The following XRCC6 variants were observed in gnomAD, a reference collection of about 807,000 sequenced individuals.
XRCC6 encodes the protein X-ray repair cross complementing 6, also known as DNA repair protein Ku70.
A neutral mutation model predicts 65.7 loss-of-function variants in XRCC6; 5 were observed. That is an observed-to-expected ratio of 0.08 (90% confidence interval 0.04 to 0.16). The LOEUF (loss-of-function observed/expected upper bound fraction) is 0.16. Among genes scored for constraint, XRCC6 ranks in the 10% least tolerant of loss-of-function variants. The pLI is 1.00. For missense variants in XRCC6, 447 were observed against 738.1 expected (o/e 0.61, Z 4.57); for synonymous variants, 270 against 270.6 (o/e 1.00, Z 0.02).
At chr22:41,656,677 C>G (rs2068047875) in intron 9 of XRCC6, among the ~76,000 whole-genome samples, 1 of 152,194 alleles carries the variant, frequency 6.6e-6, no homozygotes, top group Non-Finnish European at 1.5e-5. Flanking sequence ...AAGGGATCTA[C>G]TGTATACAGG....
intron 3 of XRCC6, 111 bp from the exon 4 acceptor site, chr22:41,636,002 T>C: frequency 1.1e-6 from 1 of 924,184 alleles, no homozygotes; most frequent in Middle Eastern, 3.7e-4. Flanking sequence ...TGCCTTATTT[T>C]AGTGCCATAT....
chr22:41,636,310 C>G (rs2067809393), intron 4 of XRCC6, 59 bp downstream of exon 4: 8 of 1,532,050 alleles, frequency 5.2e-6, no homozygotes, highest in Admixed American at 4.3e-5. Context: ...GTACTCTGAT[C>G]AAAGAGGACT....
At chr22:41,637,511 G>C in intron 5 of XRCC6, 97 bp from the exon 6 acceptor site, 1 of 1,131,654 alleles carries the variant, frequency 8.8e-7, no homozygotes. Flanking sequence ...TAGTTTTCAG[G>C]GAGCTTTTAA....
In XRCC6 at chr22:41,649,139, A is replaced by AATAT. The variant is rs1555906700; in HGVS notation, c.961-1563_961-1560dup. On this transcript the variant is annotated intron_variant, in intron 7 of 12. Transcript: ENST00000360079. ...GGGAAGAGAGTACAAAAAAAAAAAA[A>AATAT]ATATATATATATATATATATATATG... Among the ~76,000 whole-genome samples, 180 of 88,702 alleles carry AATAT rather than the reference A, an allele frequency of 2.0e-3. 1 individual carries two copies. Among genetic ancestry groups the AATAT allele is most frequent in the Admixed American group, 3.5e-3 (20 of 5,782 alleles). The allele number at this position is 88,702 out of a possible 152,430, so 58.2% of individuals were successfully genotyped here. A position where few individuals can be genotyped will look rare whatever the true frequency, so the allele number is the denominator to read the frequency against.
chr22:41,621,827 C>T (rs1220430426), intron 1 of XRCC6, 163 bp from the exon 2 acceptor site: 13 of 622,596 alleles, frequency 2.1e-5, no homozygotes, highest in East Asian at 8.6e-5. Flanking sequence ...CCCCCATGCG[C>T]ATTTACATGC....
At chr22:41,630,002 T>TTTTTTTTG (rs2067722161) in intron 3 of XRCC6, among the ~76,000 whole-genome samples, 1 of 134,578 alleles carries the variant, frequency 7.4e-6, no homozygotes, top group Non-Finnish European at 1.5e-5. Flanking sequence ...TTTTTTTTTT[T>TTTTTTTTG]GAGTTGGAGT....
At chr22:41,652,677 T>C (rs2068012027) in intron 8 of XRCC6, among the ~76,000 whole-genome samples, 1 of 117,442 alleles carries the variant, frequency 8.5e-6, no homozygotes, top group Non-Finnish European at 1.8e-5. Flanking sequence ...ATAATTCACT[T>C]TCTGTTTGTT....
At chr22:41,632,248 A>C (rs1388012865) in intron 3 of XRCC6, among the ~76,000 whole-genome samples, 1 of 152,174 alleles carries the variant, frequency 6.6e-6, no homozygotes, top group Non-Finnish European at 1.5e-5. Flanking sequence ...TTTATTATAT[A>C]TCTCATGTCT....
chr22:41,646,075 G>A (rs1036093073), intron 6 of XRCC6, among the ~76,000 whole-genome samples: 1 of 151,978 alleles, frequency 6.6e-6, no homozygotes, highest in African/African-American at 2.4e-5. Flanking sequence ...AGGCCAGTGC[G>A]GGTGAATCAC....
chr22:41,626,408 T>G (rs1316791164), intron 2 of XRCC6, among the ~76,000 whole-genome samples: 4 of 152,234 alleles, frequency 2.6e-5, no homozygotes, highest in African/African-American at 9.6e-5. Context: ...CCCAAAGTGC[T>G]GGGATTACAG....
intron 12 of XRCC6, 30 bp downstream of exon 12, chr22:41,661,474 ATTTTTAAAAATTGC>A: frequency 6.3e-7 from 1 of 1,589,814 alleles, no homozygotes; most frequent in East Asian, 2.2e-5. Context: ...CATGTGGGCT[ATTTTTAAAAATTGC>A]TTTTATGATA....
chr22:41,649,087 T>TAGCC (rs1316163811), intron 7 of XRCC6, among the ~76,000 whole-genome samples: 1 of 140,220 alleles, frequency 7.1e-6, no homozygotes, highest in Non-Finnish European at 1.5e-5. Context: ...AACTAAAAAT[T>TAGCC]AGCCAGGCGT....
intron 3 of XRCC6, 131 bp from the exon 4 acceptor site, chr22:41,635,982 G>A (rs2067805252): frequency 7.0e-6 from 5 of 711,198 alleles, no homozygotes; most frequent in Non-Finnish European, 8.7e-6. Context: ...ACCCCTGAAG[G>A]TAGGGATCTT....
At chr22:41,650,610 C>T (rs2067985085) in intron 7 of XRCC6, 113 bp from the exon 8 acceptor site, 2 of 1,161,096 alleles carry the variant, frequency 1.7e-6, no homozygotes, top group Non-Finnish European at 2.4e-6. Flanking sequence ...GGTGAGCCAT[C>T]TTCCTGCTCC....
At chr22:41,651,428 G>T (rs1412570284) in intron 8 of XRCC6, among the ~76,000 whole-genome samples, 37 of 106,014 alleles carry the variant, frequency 3.5e-4, no homozygotes, top group South Asian at 1.1e-3. Flanking sequence ...TTTTACTCTT[G>T]TCACCCAGGC....
rs139184524 is a variant in XRCC6 at position 41,622,620 on chromosome 22, G to A, written c.82+534G>A. Among the ~76,000 whole-genome samples, 3 of 152,206 alleles carry A rather than the reference G, an allele frequency of 2.0e-5. No homozygotes were observed. In the East Asian group the frequency reaches 5.8e-4, roughly 29 times the overall value. On this transcript the variant is annotated intron_variant, in intron 2 of 12. Coordinates refer to ENST00000360079, the MANE Select transcript of XRCC6 (RefSeq NM_001469.5). The stretch of plus-strand genomic sequence containing the variant: ...TCATACTGGTTAATTTAACTCCTGA[G>A]CAGAAAAATTTTGAATATTTTTATT...
Position 41,663,836 on chromosome 22 carries a change from T to C in XRCC6, c.*21T>C, listed in dbSNP as rs2068122818. ...ACTGACCAGAGGCCGCGCGTCCAGC[T>C]GCCCTTCCGCAGTGTGGCCAGGCTG... On this transcript the variant is annotated 3_prime_UTR_variant, in exon 13 of 13. Transcript: ENST00000360079. 6.2e-7 allele frequency: 1 copy of C among 1,604,960 alleles called. No homozygotes were observed. Among genetic ancestry groups the C allele is most frequent in the Non-Finnish European group, 8.5e-7 (1 of 1,173,918 alleles).
intron 2 of XRCC6, among the ~76,000 whole-genome samples, chr22:41,624,808 A>T (rs1336541143): frequency 1.3e-5 from 2 of 150,582 alleles, no homozygotes; most frequent in Non-Finnish European, 3.0e-5. Flanking sequence ...CCATCCTGGC[A>T]AACACGGTGA....
chr22:41,640,187 C>T (rs1046757666), intron 6 of XRCC6, among the ~76,000 whole-genome samples: 2 of 150,962 alleles, frequency 1.3e-5, no homozygotes, highest in Non-Finnish European at 3.0e-5. Flanking sequence ...CTTGCTCTGT[C>T]GCCCAGGCTG....
Sources: allele counts gnomAD v4.1 joint callset (sites outside exome capture counted in the v4.1 genomes callset), GRCh38; gene constraint gnomAD v4.1.1; transcripts MANE v1.5; gene names NCBI Gene and HGNC (gene_info 2026-07-23, HGNC 2026-07-21).